SUCO: variants seen among roughly 807,000 people sequenced by gnomAD.
The protein encoded by SUCO is SUN domain-containing ossification factor.
SUCO carries 57 observed loss-of-function variants against 148.1 expected under a neutral mutation model. The ratio of observed to expected loss-of-function variants is 0.38; its 90% CI spans 0.31 to 0.48. The LOEUF is 0.48. SUCO is among the 20% of genes least tolerant of loss of function. The probability of loss-of-function intolerance (pLI) is 0.96; values close to 1 mark genes in which losing one functional copy is unlikely to be tolerated. For synonymous variants in SUCO, 470 were observed against 502.7 expected, an observed-to-expected ratio of 0.93 and a Z score of 0.87; for missense variants, 1,331 against 1,468.2, an observed-to-expected ratio of 0.91 and a Z score of 1.53.
chr1:172,532,859 A>C, upstream of SUCO: 7 of 1,528,954 alleles, frequency 4.6e-6, no homozygotes, highest in South Asian at 2.6e-5. Context: ...TTCTGAACGC[A>C]AGCCAGCAAG....
Position 172,610,372 on chromosome 1 carries a change from A to C in SUCO, c.*113A>C. 1 of 1,420,248 alleles carries C rather than the reference A, an allele frequency of 7.0e-7. No homozygotes were observed. The highest frequency in any genetic ancestry group is 9.2e-7 in the Non-Finnish European group (1 of 1,083,598). 88.0% of individuals were successfully genotyped at this position (1,420,248 alleles called of 1,614,324 possible). ...GAAAATATTAATGGGAAAGGCATTC[A>C]GAAATTATGGTTTCTACCTTTTTAA... On this transcript the variant is annotated 3_prime_UTR_variant, in exon 24 of 24. Coordinates refer to ENST00000263688, the MANE Select transcript of SUCO (RefSeq NM_014283.5).
intron 15 of SUCO, among the ~76,000 whole-genome samples, chr1:172,583,304 A>G (rs1045705740): frequency 3.3e-5 from 5 of 152,208 alleles, no homozygotes; most frequent in African/African-American, 2.4e-5. Flanking sequence ...TCAAAGGGCA[A>G]TATTAAAAAT....
At chr1:172,595,668 C>T (rs1323424319) in intron 19 of SUCO, among the ~76,000 whole-genome samples, 1 of 152,216 alleles carries the variant, frequency 6.6e-6, no homozygotes, top group East Asian at 1.9e-4. Context: ...ATGGGCTTCC[C>T]TTTGTGGGTA....
At position 172,572,113 on chromosome 1, in the gene SUCO, C is replaced by T. The variant is rs1485450596; in HGVS notation, c.1049+1383C>T. 1.5e-4 allele frequency among the ~76,000 whole-genome samples: 18 copies of T among 122,264 alleles called. 2 individuals are homozygous for T. The highest frequency in any genetic ancestry group is 2.2e-4 in the Non-Finnish European group (12 of 55,544). 80.2% of individuals were successfully genotyped at this position (122,264 alleles called of 152,430 possible). On this transcript the variant is annotated intron_variant, in intron 9 of 23. Transcript: ENST00000263688. ...CCCCCGCCTGGCAAGCCACCCGGTCCGGGAGGTGAGGGGCGCCTCTGCCCG... is the reference window on the plus strand; with the variant it reads ...CCCCCGCCTGGCAAGCCACCCGGTCTGGGAGGTGAGGGGCGCCTCTGCCCG...
chr1:172,598,949 A>G (rs1264669375), intron 19 of SUCO, among the ~76,000 whole-genome samples: 2 of 152,188 alleles, frequency 1.3e-5, no homozygotes, highest in East Asian at 3.8e-4. Context: ...CCCCCTCTCC[A>G]CACACAGGTA....
chr1:172,533,456 C>T lies in SUCO; in HGVS notation c.21C>T (p.Ala7=), dbSNP rs778660682. The T allele has an allele frequency of 5.1e-6, 8 of 1,565,822 alleles. No homozygotes were observed. In the Admixed American group the frequency reaches 1.5e-4, roughly 30 times the overall value. MKKHRR[A]LALVSCLFLC... is the part of the protein sequence containing the mutation. ...AGAAGATGAAGAAGCACCGGCGGGC[C>T]TTGGCCCTGGTCTCCTGCCTCTTTC... is the stretch of plus-strand genomic sequence containing the variant. The change falls in exon 1 of 24, where the codon GCC becomes GCT. Residue 7 remains alanine (A), a synonymous_variant. Coordinates refer to ENST00000263688, the MANE Select transcript of SUCO (RefSeq NM_014283.5).
chr1:172,548,668 T>A (rs1261124667), intron 1 of SUCO, among the ~76,000 whole-genome samples: 1 of 152,038 alleles, frequency 6.6e-6, no homozygotes. Context: ...CTTGGGATAT[T>A]GTTAGCTGTC....
upstream of SUCO, chr1:172,533,119 C>A (rs1176789169): frequency 7.0e-7 from 1 of 1,429,472 alleles, no homozygotes; most frequent in Non-Finnish European, 9.1e-7. Flanking sequence ...GCTGGCCTCA[C>A]GGAGCAAGGC....
At chr1:172,537,072 C>T (rs912914030) in intron 1 of SUCO, among the ~76,000 whole-genome samples, 1 of 152,084 alleles carries the variant, frequency 6.6e-6, no homozygotes, top group Non-Finnish European at 1.5e-5. Context: ...ATACCCTATA[C>T]CATACTCCCT....
intron 6 of SUCO, among the ~76,000 whole-genome samples, chr1:172,566,209 G>A (rs993559002): frequency 2.0e-5 from 3 of 152,252 alleles, no homozygotes; most frequent in Non-Finnish European, 4.4e-5. Context: ...AGGTTTTACA[G>A]CTCTGCTTAG....
At chr1:172,557,037 A>G (rs1233756079) in intron 4 of SUCO, 132 of 970,310 alleles carry the variant, frequency 1.4e-4, no homozygotes, top group Non-Finnish European at 1.4e-4. Context: ...GAGAAGATAC[A>G]TTGAGAATAA....
Position 172,572,868 on chromosome 1 carries a change from G to A in SUCO, c.1050-1023G>A, listed in dbSNP as rs1157861065. The stretch of plus-strand genomic sequence containing the variant: ...CTATAAGTAGGCCATCCAGTGCTGT[G>A]TATACCCAGAGTGTTACATGTCATG... On this transcript the variant is annotated intron_variant, in intron 9 of 23. Transcript: ENST00000263688. 2.6e-5 allele frequency among the ~76,000 whole-genome samples: 4 copies of A among 152,244 alleles called. No homozygotes were observed. In the East Asian group the frequency reaches 7.7e-4, roughly 29 times the overall value.
chr1:172,581,257 C>T (rs1655867933), intron 15 of SUCO, among the ~76,000 whole-genome samples: 1 of 152,114 alleles, frequency 6.6e-6, no homozygotes, highest in South Asian at 2.1e-4. Context: ...GAAGGTATAT[C>T]ACTTAATTTT....
chr1:172,598,600 G>A (rs1368423147), intron 19 of SUCO, among the ~76,000 whole-genome samples: 1 of 152,138 alleles, frequency 6.6e-6, no homozygotes, highest in Non-Finnish European at 1.5e-5. Context: ...GTTTGAATAC[G>A]AAAGCCCCTT....
chr1:172,572,536 T>C (rs1655109323), intron 9 of SUCO, among the ~76,000 whole-genome samples: 1 of 151,454 alleles, frequency 6.6e-6, no homozygotes, highest in Non-Finnish European at 1.5e-5. Flanking sequence ...CTCCCTAATC[T>C]CAAGTACCCA....
Position 172,589,282 on chromosome 1 carries a change from A to G in SUCO, c.2181A>G (p.Gln727=), listed in dbSNP as rs1476780238. 4 of 1,613,750 alleles carry G rather than the reference A, an allele frequency of 2.5e-6. No individual in the cohort carries two copies. Among genetic ancestry groups the G allele is most frequent in the Non-Finnish European group, 8.5e-7 (1 of 1,179,856 alleles). Residue 727 remains glutamine, a synonymous_variant, in exon 18 of 24, where the codon CAA becomes CAG. Coordinates refer to ENST00000263688, the MANE Select transcript of SUCO (RefSeq NM_014283.5). ...TTGAACTTGAACCAAGCCATTCTCAAACTCTTTCTCAGTCTCTTCTTTTAG... is the reference window on the plus strand; with the variant it reads ...TTGAACTTGAACCAAGCCATTCTCAGACTCTTTCTCAGTCTCTTCTTTTAG... The part of the protein sequence containing the change: ...DAVELEPSHS[Q]TLSQSLLLDI...
At position 172,610,283 on chromosome 1, in the gene SUCO, A is replaced by C. The variant is rs776669473; in HGVS notation, c.*24A>C. The C allele has an allele frequency of 1.3e-6, 2 of 1,548,772 alleles. No individual in the cohort carries two copies. The highest frequency in any genetic ancestry group is 2.8e-5 in the African/African-American group (2 of 72,186). On this transcript the variant is annotated 3_prime_UTR_variant, in exon 24 of 24. Coordinates refer to ENST00000263688, the MANE Select transcript of SUCO (RefSeq NM_014283.5). ...AAAATTAATTGAACTTTTCATACAG[A>C]AGACTTTTTTGTTGTTGTTCTTTGA... is the stretch of plus-strand genomic sequence containing the variant.
chr1:172,532,857 G>A (rs1261568273), upstream of SUCO: 2 of 1,526,940 alleles, frequency 1.3e-6, no homozygotes, highest in Non-Finnish European at 1.8e-6. Flanking sequence ...CTTTCTGAAC[G>A]CAAGCCAGCA....
At chr1:172,576,376 G>A (rs1356252627) in intron 11 of SUCO, among the ~76,000 whole-genome samples, 1 of 151,326 alleles carries the variant, frequency 6.6e-6, no homozygotes, top group African/African-American at 2.4e-5. Flanking sequence ...TGTCTTCTGT[G>A]ATTTTACCAT....
Sources: allele counts gnomAD v4.1 joint callset (sites outside exome capture counted in the v4.1 genomes callset), GRCh38; gene constraint gnomAD v4.1.1; transcripts MANE v1.5; gene names NCBI Gene and HGNC (gene_info 2026-07-23, HGNC 2026-07-21).